The following PLD5 variants were observed in gnomAD, a reference collection of about 807,000 sequenced individuals.
PLD5 encodes the protein phospholipase D family member 5, also known as inactive phospholipase D5.
A neutral mutation model predicts 61.1 loss-of-function variants in PLD5; 36 were observed. That is an observed-to-expected ratio of 0.59 (90% CI 0.45 to 0.78). The LOEUF is 0.78. Ranked by LOEUF, PLD5 falls within the 30% of genes least tolerant of loss-of-function variation. PLD5 has a pLI of 0.00. For missense variants in PLD5, 515 were observed against 644.4 expected, an observed-to-expected ratio of 0.80 and a Z score of 2.17; for synonymous variants, 243 against 242.8, an observed-to-expected ratio of 1.00 and a Z score of -0.01.
chr1:242,200,267 G>C (rs187758541), intron 5 of PLD5, among the ~76,000 whole-genome samples: 1 of 152,318 alleles, frequency 6.6e-6, no homozygotes, highest in Admixed American at 6.5e-5. Context: ...TGGTCAGTGT[G>C]TTTATTCCTG....
chr1:242,449,188 T>C (rs1336432176), intron 1 of PLD5, among the ~76,000 whole-genome samples: 1 of 152,206 alleles, frequency 6.6e-6, no homozygotes, highest in Non-Finnish European at 1.5e-5. Flanking sequence ...AAATCAGTGC[T>C]CTGGTGAAAA....
At chr1:242,509,492 T>C (rs1668835762) in intron 1 of PLD5, among the ~76,000 whole-genome samples, 1 of 152,244 alleles carries the variant, frequency 6.6e-6, no homozygotes, top group Admixed American at 6.5e-5. Flanking sequence ...AGCGGGGATA[T>C]TCCATCTGTT....
intron 1 of PLD5, among the ~76,000 whole-genome samples, chr1:242,391,791 A>G (rs1662949326): frequency 6.6e-6 from 1 of 152,188 alleles, no homozygotes; most frequent in South Asian, 2.1e-4. Context: ...AGGGAGGAAC[A>G]TGTCTGGCTG....
At chr1:242,115,333 G>C (rs529182385) in intron 6 of PLD5, among the ~76,000 whole-genome samples, 3 of 152,228 alleles carry the variant, frequency 2.0e-5, no homozygotes, top group South Asian at 4.1e-4. Context: ...CACTGCTATA[G>C]AACAATGGAA....
chr1:242,136,261 A>T (rs975343933), intron 5 of PLD5, among the ~76,000 whole-genome samples: 2 of 152,152 alleles, frequency 1.3e-5, no homozygotes, highest in Non-Finnish European at 2.9e-5. Context: ...TGTTCCCATG[A>T]ATTTGAATCA....
chr1:242,301,903 G>C (rs1029376689), intron 2 of PLD5, among the ~76,000 whole-genome samples: 8 of 151,824 alleles, frequency 5.3e-5, no homozygotes, highest in African/African-American at 1.9e-4. Flanking sequence ...TCAGCCTCCC[G>C]AGTAGCTGGG....
chr1:242,424,790 A>AT (rs1665328406), intron 1 of PLD5, among the ~76,000 whole-genome samples: 1 of 152,196 alleles, frequency 6.6e-6, no homozygotes, highest in African/African-American at 2.4e-5. Flanking sequence ...ACTTCCAGGA[A>AT]TAAAAACCTC....
At chr1:242,503,861 G>A (rs2102992910) in intron 1 of PLD5, among the ~76,000 whole-genome samples, 1 of 152,292 alleles carries the variant, frequency 6.6e-6, no homozygotes, top group South Asian at 2.1e-4. Flanking sequence ...GCCTGCTGAT[G>A]CGGAGCAGAA....
intron 4 of PLD5, among the ~76,000 whole-genome samples, chr1:242,259,736 T>A (rs1469829797): frequency 1.3e-5 from 2 of 152,184 alleles, no homozygotes; most frequent in African/African-American, 4.8e-5. Context: ...CTTTATTTTA[T>A]TTTTAATTGT....
chr1:242,091,476 T>C (rs1659817894), intron 9 of PLD5, among the ~76,000 whole-genome samples: 1 of 152,164 alleles, frequency 6.6e-6, no homozygotes, highest in Non-Finnish European at 1.5e-5. Flanking sequence ...CATAGATGTT[T>C]ACAGTTGAGA....
At chr1:242,454,672 GGC>G in intron 1 of PLD5, among the ~76,000 whole-genome samples, 1 of 152,278 alleles carries the variant, frequency 6.6e-6, no homozygotes, top group East Asian at 1.9e-4. Context: ...GCTGAAAAGT[GGC>G]TGTAATAGAA....
At chr1:242,434,099 C>A (rs760947396) in intron 1 of PLD5, among the ~76,000 whole-genome samples, 14 of 152,282 alleles carry the variant, frequency 9.2e-5, no homozygotes, top group Non-Finnish European at 1.0e-4. Flanking sequence ...TCATTCTGAC[C>A]GCTATGCTAA....
chr1:242,271,213 G>C (rs368307876), intron 3 of PLD5, among the ~76,000 whole-genome samples: 64,062 of 110,778 alleles, frequency 0.58, 18,353 homozygotes, highest in East Asian at 0.66. Context: ...GAGAGAGAGA[G>C]AGAGAGAGAG....
At chr1:242,274,946 G>A (rs977066387) in intron 3 of PLD5, among the ~76,000 whole-genome samples, 2 of 151,992 alleles carry the variant, frequency 1.3e-5, no homozygotes, top group Non-Finnish European at 2.9e-5. Context: ...CTGACATATC[G>A]GCTTTCTTCC....
intron 2 of PLD5, among the ~76,000 whole-genome samples, chr1:242,310,830 AAG>A (rs1026831189): frequency 9.9e-5 from 15 of 152,278 alleles, no homozygotes; most frequent in Admixed American, 9.8e-4. Context: ...AACCAAGGCA[AAG>A]AGAGAGCTCA....
intron 9 of PLD5, among the ~76,000 whole-genome samples, chr1:242,094,792 G>A (rs904196857): frequency 1.6e-4 from 24 of 152,210 alleles, no homozygotes; most frequent in Middle Eastern, 6.8e-3. Flanking sequence ...CCACTGAAGG[G>A]TGGGTGCTAT....
At chr1:242,309,687 A>G (rs993807469) in intron 2 of PLD5, among the ~76,000 whole-genome samples, 1 of 148,128 alleles carries the variant, frequency 6.8e-6, no homozygotes, top group Non-Finnish European at 1.5e-5. Flanking sequence ...TTTTTTTATA[A>G]TTCAAACTTT....
chr1:242,443,918 C>A (rs185483335), intron 1 of PLD5, among the ~76,000 whole-genome samples: 1 of 152,286 alleles, frequency 6.6e-6, no homozygotes, highest in East Asian at 1.9e-4. Context: ...TAATAGGCCA[C>A]CACATCAATG....
intron 5 of PLD5, among the ~76,000 whole-genome samples, chr1:242,212,647 G>A (rs1326394785): frequency 6.6e-6 from 1 of 152,218 alleles, no homozygotes. Context: ...GAAAGAAGCA[G>A]CACAGACAAA....
Sources: gnomAD v4.1 joint callset for allele counts (sites outside exome capture counted in the v4.1 genomes callset) on GRCh38, gnomAD v4.1.1 for gene constraint, MANE v1.5 for transcripts, NCBI Gene and HGNC (gene_info 2026-07-23, HGNC 2026-07-21) for gene names.